Variants in IL1RAPL1 observed in about 807,000 individuals in gnomAD.
The protein encoded by IL1RAPL1 is interleukin 1 receptor accessory protein like 1.
A neutral mutation model predicts 48.4 loss-of-function variants in IL1RAPL1; 3 were observed. The observed-to-expected ratio is 0.06, with a 90% CI of 0.03 to 0.16. The LOEUF (loss-of-function observed/expected upper bound fraction) is 0.16. Among genes scored for constraint, IL1RAPL1 ranks in the 10% least tolerant of loss-of-function variants. IL1RAPL1 has a pLI of 1.00. For synonymous variants in IL1RAPL1, 185 were observed against 187.7 expected, an observed-to-expected ratio of 0.99 and a Z score of 0.12; for missense variants, 349 against 530.6, an observed-to-expected ratio of 0.66 and a Z score of 3.36.
At chrX:28,687,827 C>T (rs1195342649) in intron 1 of IL1RAPL1, among the ~76,000 whole-genome samples, 3 of 109,045 alleles carry the variant, frequency 2.8e-5, no homozygotes, top group Non-Finnish European at 5.7e-5. Context: ...GCAGGGGGTG[C>T]GCGGTGGCTC....
chrX:28,920,996 T>C (rs747220500), intron 2 of IL1RAPL1, among the ~76,000 whole-genome samples: 1 of 111,516 alleles, frequency 9.0e-6, no homozygotes, highest in Admixed American at 9.6e-5. Flanking sequence ...TACCTTTTTA[T>C]TGGGTCAGGT....
intron 6 of IL1RAPL1, among the ~76,000 whole-genome samples, chrX:29,692,891 A>C (rs1926809922): frequency 8.9e-6 from 1 of 111,770 alleles, no homozygotes; most frequent in Non-Finnish European, 1.9e-5. Context: ...TGAGTTGAGA[A>C]ATTTCTGCTG....
chrX:29,723,238 C>A (rs964519842), intron 6 of IL1RAPL1, among the ~76,000 whole-genome samples: 5 of 111,729 alleles, frequency 4.5e-5, no homozygotes, highest in Admixed American at 9.5e-5. Flanking sequence ...TATAACTCTG[C>A]ATGTTTGTTT....
chrX:29,619,478 G>A (rs778675891), intron 5 of IL1RAPL1, among the ~76,000 whole-genome samples: 4 of 111,390 alleles, frequency 3.6e-5, no homozygotes, highest in Non-Finnish European at 7.5e-5. Context: ...ATGAAATAAA[G>A]CAAACAAACA....
chrX:29,249,231 T>G (rs1447958418), intron 2 of IL1RAPL1, among the ~76,000 whole-genome samples: 1 of 111,661 alleles, frequency 9.0e-6, no homozygotes, highest in East Asian at 2.8e-4. Flanking sequence ...TTACATTTTA[T>G]ATCTTATTGT....
At chrX:29,636,772 C>A (rs1272945272) in intron 5 of IL1RAPL1, among the ~76,000 whole-genome samples, 1 of 111,864 alleles carries the variant, frequency 8.9e-6, no homozygotes, top group Non-Finnish European at 1.9e-5. Flanking sequence ...GGCACTGTGG[C>A]TCACGCCTGT....
At chrX:29,371,037 TA>T (rs1933537001) in intron 3 of IL1RAPL1, among the ~76,000 whole-genome samples, 1 of 109,749 alleles carries the variant, frequency 9.1e-6, no homozygotes, top group Middle Eastern at 4.7e-3. Flanking sequence ...CTCTTCTAGC[TA>T]TTTGAAAATA....
chrX:29,135,885 C>T lies in IL1RAPL1; in HGVS notation c.83-147053C>T, dbSNP rs761305472. ...AAGTAACTGGGACTACAGGCACACA[C>T]GCCACCACGCCTGGCTAATTTTTGT... On this transcript the variant is annotated intron_variant, in intron 2 of 10. Transcript: ENST00000378993. Among the ~76,000 whole-genome samples, 12 of 110,437 alleles carry T rather than the reference C, an allele frequency of 1.1e-4. No individual in the cohort carries two copies. In the South Asian group the frequency reaches 2.0e-3, roughly 18 times the overall value.
chrX:29,926,012 C>CTTT (rs750562613), intron 8 of IL1RAPL1, among the ~76,000 whole-genome samples: 7 of 101,087 alleles, frequency 6.9e-5, no homozygotes, highest in African/African-American at 2.5e-4. Context: ...GTTTTGAAGG[C>CTTT]TTTTTTTTTT....
intron 2 of IL1RAPL1, among the ~76,000 whole-genome samples, chrX:29,069,707 C>T (rs762620718): frequency 3.7e-5 from 4 of 108,264 alleles, no homozygotes; most frequent in Non-Finnish European, 5.8e-5. Context: ...TCAGAGAAAT[C>T]TATGCATGAT....
At chrX:29,946,697 A>G (rs1601895877) in intron 9 of IL1RAPL1, among the ~76,000 whole-genome samples, 2 of 112,164 alleles carry the variant, frequency 1.8e-5, no homozygotes, top group East Asian at 5.6e-4. Flanking sequence ...AAACCTTGCA[A>G]GAAATTTTCT....
At chrX:28,918,587 A>G (rs1923543876) in intron 2 of IL1RAPL1, among the ~76,000 whole-genome samples, 1 of 112,421 alleles carries the variant, frequency 8.9e-6, no homozygotes, top group Non-Finnish European at 1.9e-5. Flanking sequence ...ATTGCAGTTC[A>G]GATAGGCTCT....
At chrX:29,666,403 A>G (rs1445928302) in intron 5 of IL1RAPL1, among the ~76,000 whole-genome samples, 4 of 110,478 alleles carry the variant, frequency 3.6e-5, no homozygotes, top group Non-Finnish European at 5.7e-5. Flanking sequence ...AACTCCACCT[A>G]CTCAGAGGGG....
chrX:29,596,547 A>G (rs144881902), intron 5 of IL1RAPL1, among the ~76,000 whole-genome samples: 1,394 of 111,822 alleles, frequency 0.012, 8 homozygotes, highest in Non-Finnish European at 0.018. Context: ...CTGTCGGTGT[A>G]TATAGCAGAG....
intron 6 of IL1RAPL1, among the ~76,000 whole-genome samples, chrX:29,745,867 C>T (rs1601806010): frequency 9.0e-6 from 1 of 111,560 alleles, no homozygotes; most frequent in Middle Eastern, 4.6e-3. Flanking sequence ...AAAGTCGAGT[C>T]TCTGCTATCT....
At chrX:29,623,361 T>C (rs1301794141) in intron 5 of IL1RAPL1, among the ~76,000 whole-genome samples, 2 of 112,033 alleles carry the variant, frequency 1.8e-5, no homozygotes. Context: ...CTTCATCCTT[T>C]CTCAAATACC....
At chrX:29,708,578 C>T (rs1213253834) in intron 6 of IL1RAPL1, among the ~76,000 whole-genome samples, 2 of 111,413 alleles carry the variant, frequency 1.8e-5, no homozygotes, top group Non-Finnish European at 3.8e-5. Context: ...TATAATATTC[C>T]ATTGTGTATA....
At chrX:28,973,808 A>G (rs1925140682) in intron 2 of IL1RAPL1, among the ~76,000 whole-genome samples, 1 of 111,993 alleles carries the variant, frequency 8.9e-6, no homozygotes, top group Non-Finnish European at 1.9e-5. Context: ...TAGCTCTGTT[A>G]TGGTTAGCCT....
intron 2 of IL1RAPL1, among the ~76,000 whole-genome samples, chrX:28,995,907 G>A (rs1440947610): frequency 9.2e-6 from 1 of 108,658 alleles, no homozygotes; most frequent in Non-Finnish European, 1.9e-5. Flanking sequence ...AACCAGAAAA[G>A]GCTCATTCTT....
Sources: gnomAD v4.1 joint callset for allele counts (sites outside exome capture counted in the v4.1 genomes callset) on GRCh38, gnomAD v4.1.1 for gene constraint, MANE v1.5 for transcripts, NCBI Gene and HGNC (gene_info 2026-07-23, HGNC 2026-07-21) for gene names.